Variants in B3GALT1 observed in about 807,000 individuals in gnomAD.
The protein encoded by B3GALT1 is beta-1,3-galactosyltransferase 1.
In B3GALT1, 10 loss-of-function variants were observed where a neutral mutation model predicts 23.2. That is an observed-to-expected ratio of 0.43 (90% CI 0.27 to 0.73). B3GALT1 has a LOEUF of 0.73. Ranked by LOEUF, B3GALT1 falls within the 30% of genes least tolerant of loss-of-function variation. The pLI is 0.21. For synonymous variants in B3GALT1, 156 were observed against 141.5 expected (o/e 1.10, Z -0.73); for missense variants, 299 against 405.4 (o/e 0.74, Z 2.25).
chr2:167,485,279 A>G (rs112140039), intron 1 of B3GALT1, among the ~76,000 whole-genome samples: 2 of 152,166 alleles, frequency 1.3e-5, no homozygotes, highest in Non-Finnish European at 2.9e-5. Context: ...AACCACCCAC[A>G]TGGCAAGTTT....
chr2:167,416,058 G>T (rs551318498), intron 1 of B3GALT1, among the ~76,000 whole-genome samples: 1 of 152,304 alleles, frequency 6.6e-6, no homozygotes, highest in Non-Finnish European at 1.5e-5. Flanking sequence ...GAAAAAGCTT[G>T]TTCAAGAGAG....
At chr2:167,607,911 T>G (rs926301835) in intron 2 of B3GALT1, among the ~76,000 whole-genome samples, 2 of 152,160 alleles carry the variant, frequency 1.3e-5, no homozygotes, top group African/African-American at 4.8e-5. Flanking sequence ...AATAATGTGT[T>G]AGCAGAAAAA....
chr2:167,502,712 C>G (rs2105349088), intron 2 of B3GALT1, among the ~76,000 whole-genome samples: 1 of 152,298 alleles, frequency 6.6e-6, no homozygotes, highest in Non-Finnish European at 1.5e-5. Context: ...CCAACCACCT[C>G]CCACTAGGCC....
chr2:167,641,643 A>G (rs951841443), intron 2 of B3GALT1, among the ~76,000 whole-genome samples: 6 of 152,122 alleles, frequency 3.9e-5, no homozygotes, highest in Non-Finnish European at 5.9e-5. Context: ...CATTCTTCTT[A>G]AAGCGCTGTC....
intron 2 of B3GALT1, among the ~76,000 whole-genome samples, chr2:167,570,081 G>C (rs1215987697): frequency 6.6e-6 from 1 of 151,732 alleles, no homozygotes; most frequent in East Asian, 1.9e-4. Flanking sequence ...ATATTTTGTT[G>C]ATAATTTTTG....
chr2:167,319,238 T>C (rs1437969389), intron 1 of B3GALT1, among the ~76,000 whole-genome samples: 2 of 152,096 alleles, frequency 1.3e-5, no homozygotes, highest in Non-Finnish European at 2.9e-5. Flanking sequence ...GTTTCTACAA[T>C]AGGCAGATCT....
chr2:167,344,543 G>A (rs1697198985), intron 1 of B3GALT1, among the ~76,000 whole-genome samples: 1 of 151,926 alleles, frequency 6.6e-6, no homozygotes, highest in South Asian at 2.1e-4. Context: ...TAGGTGCAGG[G>A]CAACATGCCA....
At chr2:167,742,108 A>G (rs189179237) in intron 3 of B3GALT1, among the ~76,000 whole-genome samples, 1 of 152,144 alleles carries the variant, frequency 6.6e-6, no homozygotes, top group Non-Finnish European at 1.5e-5. Context: ...CTGTGCATCT[A>G]CCTTTCCAGG....
At chr2:167,679,845 A>T (rs922452784) in intron 3 of B3GALT1, among the ~76,000 whole-genome samples, 1 of 152,220 alleles carries the variant, frequency 6.6e-6, no homozygotes, top group African/African-American at 2.4e-5. Flanking sequence ...TTTAAATTTC[A>T]TATTTATCTT....
chr2:167,340,777 T>G (rs561352761), intron 1 of B3GALT1, among the ~76,000 whole-genome samples: 1 of 152,284 alleles, frequency 6.6e-6, no homozygotes, highest in South Asian at 2.1e-4. Flanking sequence ...ATATTTTAAA[T>G]TCACAATGTC....
intron 3 of B3GALT1, among the ~76,000 whole-genome samples, chr2:167,684,031 T>A (rs1037037843): frequency 1.3e-5 from 2 of 152,200 alleles, no homozygotes; most frequent in Non-Finnish European, 2.9e-5. Context: ...CTTTCTGTCT[T>A]CTACTACCTA....
At chr2:167,564,978 A>C (rs913565084) in intron 2 of B3GALT1, among the ~76,000 whole-genome samples, 1 of 152,192 alleles carries the variant, frequency 6.6e-6, no homozygotes, top group Non-Finnish European at 1.5e-5. Context: ...GCTACCAATG[A>C]CTTTCTTCAC....
intron 1 of B3GALT1, among the ~76,000 whole-genome samples, chr2:167,438,426 A>T (rs933361551): frequency 6.6e-6 from 1 of 152,216 alleles, no homozygotes; most frequent in African/African-American, 2.4e-5. Context: ...GTTTGGTCAA[A>T]GGTTGCTTTT....
At chr2:167,625,933 T>C (rs2464038) in intron 2 of B3GALT1, among the ~76,000 whole-genome samples, 111,899 of 135,490 alleles carry the variant, frequency 0.83, 46,082 homozygotes, top group African/African-American at 0.89. Flanking sequence ...GAAAAATCAA[T>C]GACTAGGCCA....
chr2:167,850,990 A>C (rs1478702208), intron 4 of B3GALT1, among the ~76,000 whole-genome samples: 1 of 152,170 alleles, frequency 6.6e-6, no homozygotes, highest in Non-Finnish European at 1.5e-5. Flanking sequence ...AAAAATAAAT[A>C]AATGAAAATA....
At chr2:167,387,512 A>G (rs920398234) in intron 1 of B3GALT1, among the ~76,000 whole-genome samples, 101 of 152,324 alleles carry the variant, frequency 6.6e-4, no homozygotes, top group African/African-American at 2.3e-3. Flanking sequence ...GGGAAATTAC[A>G]AAGGGAAATG....
At chr2:167,819,963 G>T (rs565502617) in intron 4 of B3GALT1, among the ~76,000 whole-genome samples, 2 of 152,182 alleles carry the variant, frequency 1.3e-5, no homozygotes, top group African/African-American at 2.4e-5. Flanking sequence ...ACAGTGAGTC[G>T]CAAGAGGACC....
chr2:167,787,752 G>A lies in B3GALT1; in HGVS notation c.-351-30920G>A, dbSNP rs561495742. 2.2e-4 allele frequency among the ~76,000 whole-genome samples: 34 copies of A among 152,312 alleles called. 1 individual carries two copies. The highest frequency in any genetic ancestry group is 8.3e-4 in the South Asian group (4 of 4,816). On this transcript the variant is annotated intron_variant, in intron 3 of 4. Coordinates refer to ENST00000392690, the MANE Select transcript of B3GALT1 (RefSeq NM_020981.4). The stretch of plus-strand genomic sequence containing the variant: ...ATCTTTAAAGGATCTTTCCCAAGAC[G>A]ACTCCCTTGAGGGTGGAGCAGCCTT...
At chr2:167,503,993 G>A (rs1699883134) in intron 2 of B3GALT1, among the ~76,000 whole-genome samples, 1 of 152,004 alleles carries the variant, frequency 6.6e-6, no homozygotes, top group African/African-American at 2.4e-5. Flanking sequence ...CTTCAGTGCT[G>A]GGTTGGTAAA....
Sources: allele counts gnomAD v4.1 joint callset (sites outside exome capture counted in the v4.1 genomes callset), GRCh38; gene constraint gnomAD v4.1.1; transcripts MANE v1.5; gene names NCBI Gene and HGNC (gene_info 2026-07-23, HGNC 2026-07-21).